ADAMTSL3: variants seen among roughly 807,000 people sequenced by gnomAD.
ADAMTSL3 encodes ADAMTS like 3.
Under a neutral mutation model 201.7 loss-of-function variants are expected in ADAMTSL3, and 128 were observed. That is an observed-to-expected ratio of 0.63 (90% CI 0.55 to 0.73). ADAMTSL3 has a LOEUF of 0.73. ADAMTSL3 is among the 30% of genes least tolerant of loss of function. The probability of loss-of-function intolerance (pLI) is 0.00; values close to 1 mark genes in which losing one functional copy is unlikely to be tolerated. For synonymous variants in ADAMTSL3, 738 were observed against 748.4 expected, an observed-to-expected ratio of 0.99 and a Z score of 0.23; for missense variants, 1,990 against 2,119.6, an observed-to-expected ratio of 0.94 and a Z score of 1.20.
chr15:83,806,425 C>T (rs1401285567), intron 5 of ADAMTSL3, among the ~76,000 whole-genome samples: 1 of 152,192 alleles, frequency 6.6e-6, no homozygotes, highest in Non-Finnish European at 1.5e-5. Context: ...CTACTGTGTC[C>T]ACCCAGAACC....
intron 20 of ADAMTSL3, among the ~76,000 whole-genome samples, chr15:83,973,420 C>T (rs894242769): frequency 3.9e-5 from 6 of 152,320 alleles, no homozygotes; most frequent in South Asian, 2.1e-4. Flanking sequence ...ACCTCCTGTA[C>T]TGACCCCTGC....
chr15:83,692,829 G>A (rs1477312118), intron 2 of ADAMTSL3, among the ~76,000 whole-genome samples: 1 of 151,914 alleles, frequency 6.6e-6, no homozygotes, highest in African/African-American at 2.4e-5. Context: ...GAATATAAAC[G>A]TTTTTCGGAG....
intron 20 of ADAMTSL3, among the ~76,000 whole-genome samples, chr15:83,975,959 A>G (rs2067278508): frequency 1.3e-5 from 2 of 152,212 alleles, no homozygotes; most frequent in African/African-American, 4.8e-5. Context: ...ATATGAGAGT[A>G]TGGCTGGGAG....
At chr15:83,840,990 C>T (rs2064362984) in intron 7 of ADAMTSL3, among the ~76,000 whole-genome samples, 1 of 152,172 alleles carries the variant, frequency 6.6e-6, no homozygotes, top group African/African-American at 2.4e-5. Flanking sequence ...ATGTTACATC[C>T]ACATCCCAGA....
intron 4 of ADAMTSL3, among the ~76,000 whole-genome samples, chr15:83,774,513 C>G (rs1596183311): frequency 1.3e-5 from 2 of 152,186 alleles, no homozygotes; most frequent in Admixed American, 1.3e-4. Flanking sequence ...AGAGATTGTA[C>G]ATGTGGCCTT....
At chr15:83,830,193 C>G (rs4620919) in intron 6 of ADAMTSL3, among the ~76,000 whole-genome samples, 99,916 of 151,976 alleles carry the variant, frequency 0.66, 33,319 homozygotes, top group South Asian at 0.88. Context: ...GCGTGCCTGT[C>G]AATCTAAGTT....
chr15:83,801,240 G>A (rs980127140), intron 4 of ADAMTSL3, among the ~76,000 whole-genome samples: 1 of 152,070 alleles, frequency 6.6e-6, no homozygotes, highest in African/African-American at 2.4e-5. Context: ...TCAAGAAAGC[G>A]CATCTACCTA....
intron 4 of ADAMTSL3, among the ~76,000 whole-genome samples, chr15:83,782,926 ATATT>A (rs1225837183): frequency 6.8e-6 from 1 of 148,028 alleles, no homozygotes; most frequent in African/African-American, 2.5e-5. Context: ...ATATATATAT[ATATT>A]ATATGTATAT....
chr15:83,866,372 A>G (rs1018840508), intron 8 of ADAMTSL3, among the ~76,000 whole-genome samples: 8 of 152,272 alleles, frequency 5.3e-5, no homozygotes, highest in South Asian at 2.1e-4. Flanking sequence ...ATGTGTAACA[A>G]TGATAGACTG....
At chr15:83,979,956 A>G (rs1427160459) in intron 20 of ADAMTSL3, among the ~76,000 whole-genome samples, 1 of 152,196 alleles carries the variant, frequency 6.6e-6, no homozygotes, top group Non-Finnish European at 1.5e-5. Flanking sequence ...CAACTGGGGA[A>G]CTTTAAAAAA....
intron 14 of ADAMTSL3, 60 bp from the exon 15 acceptor site, chr15:83,899,587 A>G (rs115997101): frequency 5.3e-6 from 8 of 1,519,412 alleles, no homozygotes; most frequent in South Asian, 1.2e-5. Flanking sequence ...ATGATCACCT[A>G]TCCAACTCCT....
At chr15:83,771,166 T>C (rs912512712) in intron 3 of ADAMTSL3, among the ~76,000 whole-genome samples, 1 of 59,262 alleles carries the variant, frequency 1.7e-5, no homozygotes, top group Non-Finnish European at 2.7e-5. Flanking sequence ...GTTTCTGGAC[T>C]CTTTTTTTTT....
At chr15:83,861,821 C>T (rs1271593008) in intron 8 of ADAMTSL3, 2 of 152,212 alleles carry the variant, frequency 1.3e-5, no homozygotes, top group Admixed American at 6.5e-5. Flanking sequence ...TCAAACTACT[C>T]CGAGCTAAAG....
chr15:83,785,070 A>G (rs1596203469), intron 4 of ADAMTSL3, among the ~76,000 whole-genome samples: 2 of 152,168 alleles, frequency 1.3e-5, no homozygotes, highest in Non-Finnish European at 2.9e-5. Flanking sequence ...AGGTTGAATG[A>G]TAGCTTTGTT....
intron 4 of ADAMTSL3, among the ~76,000 whole-genome samples, chr15:83,795,397 C>T (rs75409429): frequency 5.3e-5 from 8 of 152,118 alleles, no homozygotes; most frequent in Non-Finnish European, 7.3e-5. Flanking sequence ...TGTGCCTGCC[C>T]TAGTGATGGA....
chr15:83,978,193 A>T (rs2067319456), intron 20 of ADAMTSL3, among the ~76,000 whole-genome samples: 1 of 152,234 alleles, frequency 6.6e-6, no homozygotes, highest in Non-Finnish European at 1.5e-5. Flanking sequence ...ACTTGAAGCC[A>T]TGCCAGGGAT....
chr15:84,005,239 G>A (rs1477555842), intron 23 of ADAMTSL3, among the ~76,000 whole-genome samples: 4 of 152,176 alleles, frequency 2.6e-5, no homozygotes, highest in South Asian at 4.1e-4. Context: ...GGAGATTTTG[G>A]TGCATGATCT....
At chr15:83,754,758 A>T (rs149051311) in intron 3 of ADAMTSL3, among the ~76,000 whole-genome samples, 6 of 152,332 alleles carry the variant, frequency 3.9e-5, no homozygotes, top group Admixed American at 2.0e-4. Flanking sequence ...TTAATAGATG[A>T]TAAGGAAATG....
rs199664125 is a variant in ADAMTSL3, at chr15:83,756,228, GT to G, written c.190-17294del. ...GTTCTAATTTCTTCACATCCTCACT[GT>G]ATTAGTCTGTTTTCACACTGCTGAA... On this transcript the variant is annotated intron_variant, in intron 3 of 29. Coordinates refer to ENST00000286744, the MANE Select transcript of ADAMTSL3 (RefSeq NM_207517.3). Among the ~76,000 whole-genome samples the G allele has an allele frequency of 5.0e-3, 759 of 152,236 alleles. 13 individuals carry two copies. Among genetic ancestry groups the G allele is most frequent in the Admixed American group, 0.037 (572 of 15,288 alleles).
Sources: gnomAD v4.1 joint callset for allele counts (sites outside exome capture counted in the v4.1 genomes callset) on GRCh38, gnomAD v4.1.1 for gene constraint, MANE v1.5 for transcripts, NCBI Gene and HGNC (gene_info 2026-07-23, HGNC 2026-07-21) for gene names.